Variants in LRP1B observed in about 807,000 individuals in gnomAD.
The protein encoded by LRP1B is LDL receptor related protein 1B, also known as low-density lipoprotein receptor-related protein 1B.
In LRP1B, 217 loss-of-function variants were observed where a neutral mutation model predicts 556.6. The observed-to-expected ratio is 0.39, with a 90% CI of 0.35 to 0.44. The LOEUF (loss-of-function observed/expected upper bound fraction) is 0.44. Among genes scored for constraint, LRP1B ranks in the 20% least tolerant of loss-of-function variants. LRP1B has a pLI of 1.00. For missense variants in LRP1B, 5,053 were observed against 5,620.8 expected (o/e 0.90, Z 3.23); for synonymous variants, 2,047 against 1,865.8 (o/e 1.10, Z -2.50).
At chr2:140,831,402 A>C (rs1559144386) in intron 31 of LRP1B, among the ~76,000 whole-genome samples, 1 of 152,178 alleles carries the variant, frequency 6.6e-6, no homozygotes, top group South Asian at 2.1e-4. Context: ...TGACAAAGGC[A>C]CCATGAACAT....
chr2:140,817,969 A>G (rs1025958301), intron 31 of LRP1B, among the ~76,000 whole-genome samples: 1 of 152,174 alleles, frequency 6.6e-6, no homozygotes, highest in Admixed American at 6.5e-5. Flanking sequence ...ATTTCAGTTT[A>G]ATTGGTTTGG....
At chr2:141,153,587 T>G (rs1040572204) in intron 7 of LRP1B, among the ~76,000 whole-genome samples, 12 of 136,512 alleles carry the variant, frequency 8.8e-5, no homozygotes, top group Non-Finnish European at 9.2e-5. Flanking sequence ...ATATTATATA[T>G]TAGCTATATA....
chr2:141,473,634 G>A (rs1473220770), intron 3 of LRP1B, among the ~76,000 whole-genome samples: 3 of 152,122 alleles, frequency 2.0e-5, no homozygotes, highest in Non-Finnish European at 4.4e-5. Flanking sequence ...ACTTGTAAGA[G>A]CTTTACTAAT....
intron 1 of LRP1B, among the ~76,000 whole-genome samples, chr2:141,815,854 G>A (rs1696527645): frequency 6.6e-6 from 1 of 150,852 alleles, no homozygotes; most frequent in Middle Eastern, 3.2e-3. Context: ...ATTAAGGTCC[G>A]TAGCTTCATG....
At chr2:141,740,629 T>C (rs760682442) in intron 2 of LRP1B, among the ~76,000 whole-genome samples, 1 of 152,152 alleles carries the variant, frequency 6.6e-6, no homozygotes, top group Non-Finnish European at 1.5e-5. Flanking sequence ...AATATACACA[T>C]AAATTATTTT....
At chr2:140,634,170 C>T (rs1683992986) in intron 41 of LRP1B, among the ~76,000 whole-genome samples, 1 of 151,974 alleles carries the variant, frequency 6.6e-6, no homozygotes, top group African/African-American at 2.4e-5. Context: ...AATATTAATC[C>T]ACCACATTAA....
intron 7 of LRP1B, among the ~76,000 whole-genome samples, chr2:141,166,364 ATTC>A (rs1680256207): frequency 9.2e-6 from 1 of 108,462 alleles, no homozygotes; most frequent in Admixed American, 1.0e-4. Flanking sequence ...CTTCTCTCTC[ATTC>A]TTTTTTTTTT....
intron 2 of LRP1B, among the ~76,000 whole-genome samples, chr2:141,619,334 C>G (rs957443698): frequency 1.3e-5 from 2 of 152,144 alleles, no homozygotes; most frequent in Non-Finnish European, 2.9e-5. Flanking sequence ...GGAGCTAATA[C>G]TTCGTATTTT....
At chr2:140,367,217 T>G (rs1682802383) in intron 71 of LRP1B, among the ~76,000 whole-genome samples, 1 of 151,792 alleles carries the variant, frequency 6.6e-6, no homozygotes, top group Non-Finnish European at 1.5e-5. Context: ...GTTGCCTTTT[T>G]AAAAACCTGG....
intron 2 of LRP1B, among the ~76,000 whole-genome samples, chr2:141,651,461 C>T (rs1422810683): frequency 6.6e-6 from 1 of 152,064 alleles, no homozygotes; most frequent in Admixed American, 6.6e-5. Context: ...GTCGGTAGTC[C>T]AAGATCAGCC....
intron 35 of LRP1B, among the ~76,000 whole-genome samples, chr2:140,733,270 C>T (rs1167073288): frequency 6.6e-6 from 1 of 152,086 alleles, no homozygotes; most frequent in Non-Finnish European, 1.5e-5. Flanking sequence ...GAGAGTGTGA[C>T]CATATAAATC....
chr2:141,377,116 G>A (rs1689466913), intron 3 of LRP1B, among the ~76,000 whole-genome samples: 1 of 151,994 alleles, frequency 6.6e-6, no homozygotes, highest in African/African-American at 2.4e-5. Flanking sequence ...AACATTTTGG[G>A]GATATGAGCA....
intron 79 of LRP1B, among the ~76,000 whole-genome samples, chr2:140,328,727 TTA>T (rs1680629188): frequency 2.6e-5 from 4 of 152,074 alleles, no homozygotes; most frequent in African/African-American, 9.7e-5. Context: ...TATGTCAAAT[TTA>T]TTTTAAAAAA....
intron 2 of LRP1B, among the ~76,000 whole-genome samples, chr2:141,554,267 A>ATG (rs1685877704): frequency 2.2e-4 from 20 of 89,912 alleles, no homozygotes; most frequent in Admixed American, 1.9e-3. Flanking sequence ...TATAGATTAT[A>ATG]TATATCTATA....
At chr2:140,457,378 T>G in intron 61 of LRP1B, 85 bp downstream of exon 61, 1 of 1,087,810 alleles carries the variant, frequency 9.2e-7, no homozygotes, top group Admixed American at 2.2e-5. Flanking sequence ...AAAAATAAAA[T>G]TACATTTAAC....
chr2:142,033,473 A>G (rs1703773494), intron 1 of LRP1B, among the ~76,000 whole-genome samples: 2 of 151,648 alleles, frequency 1.3e-5, no homozygotes, highest in South Asian at 4.2e-4. Context: ...GCCTCCTGGA[A>G]TCTATTCCTG....
chr2:141,026,205 T>C (rs562379908), intron 11 of LRP1B, among the ~76,000 whole-genome samples: 1 of 152,098 alleles, frequency 6.6e-6, no homozygotes, highest in African/African-American at 2.4e-5. Flanking sequence ...ATTTCATCAA[T>C]AGTAAATTAT....
rs566959286 is a variant in LRP1B at position 141,187,420 on chromosome 2, C to A, written c.1013+1001G>T. ...CCATTTATTGAATGGAGGCTTATGG[C>A]AGTTTAGGATATGTTCCATCAGACA... On this transcript the variant is annotated intron_variant, in intron 7 of 90. Transcript: ENST00000389484. Among the ~76,000 whole-genome samples, 3 of 151,992 alleles carry A rather than the reference C, an allele frequency of 2.0e-5. 1 individual carries two copies. The highest frequency in any genetic ancestry group is 3.9e-4 in the East Asian group (2 of 5,138).
At chr2:141,124,643 T>C (rs1234826422) in intron 7 of LRP1B, among the ~76,000 whole-genome samples, 1 of 139,278 alleles carries the variant, frequency 7.2e-6, no homozygotes, top group Non-Finnish European at 1.5e-5. Context: ...TGTACATCAT[T>C]GAAGAGATGG....
Sources: allele counts gnomAD v4.1 joint callset (sites outside exome capture counted in the v4.1 genomes callset), GRCh38; gene constraint gnomAD v4.1.1; transcripts MANE v1.5; gene names NCBI Gene and HGNC (gene_info 2026-07-23, HGNC 2026-07-21).